The following GPR158 variants were observed in gnomAD, a reference collection of about 807,000 sequenced individuals.
GPR158 encodes the protein metabotropic glycine receptor.
GPR158 carries 30 observed loss-of-function variants against 78.2 expected under a neutral mutation model. The ratio of observed to expected loss-of-function variants is 0.38; its 90% CI spans 0.29 to 0.52. The LOEUF is 0.52. GPR158 is among the 20% of genes least tolerant of loss of function. GPR158 has a pLI of 0.83. For missense variants in GPR158, 1,463 were observed against 1,523.5 expected (o/e 0.96, Z 0.66); for synonymous variants, 581 against 591.1 (o/e 0.98, Z 0.25).
At chr10:25,446,848 C>CT (rs913202010) in intron 4 of GPR158, among the ~76,000 whole-genome samples, 4 of 152,254 alleles carry the variant, frequency 2.6e-5, no homozygotes, top group African/African-American at 9.6e-5. Flanking sequence ...CGTAGGACAA[C>CT]TTTTTTGTAT....
chr10:25,253,849 C>T (rs1853851063), intron 2 of GPR158, among the ~76,000 whole-genome samples: 2 of 152,060 alleles, frequency 1.3e-5, no homozygotes. Context: ...ACCAGCAAAC[C>T]AAATATTGTC....
intron 2 of GPR158, among the ~76,000 whole-genome samples, chr10:25,270,917 T>C (rs1383734708): frequency 6.6e-6 from 1 of 152,210 alleles, no homozygotes; most frequent in East Asian, 1.9e-4. Flanking sequence ...TGCTTATCAC[T>C]GATTTTAGGA....
intron 2 of GPR158, among the ~76,000 whole-genome samples, chr10:25,347,154 G>C (rs1408730959): frequency 6.6e-6 from 1 of 151,908 alleles, no homozygotes; most frequent in Admixed American, 6.6e-5. Flanking sequence ...GAGTTCAGCT[G>C]GGCTGCATTC....
At chr10:25,580,910 TTTA>T (rs1383366794) in intron 7 of GPR158, among the ~76,000 whole-genome samples, 2 of 94,770 alleles carry the variant, frequency 2.1e-5, no homozygotes, top group African/African-American at 1.4e-4. Flanking sequence ...ATTTTTTTAT[TTTA>T]TTTTATTTTA....
chr10:25,373,356 G>C (rs917638961), intron 2 of GPR158, among the ~76,000 whole-genome samples: 1 of 151,762 alleles, frequency 6.6e-6, no homozygotes, highest in Non-Finnish European at 1.5e-5. Flanking sequence ...TTAGTACCTG[G>C]GTGGCCAAAT....
chr10:25,210,543 TA>T (rs988626170), intron 1 of GPR158, among the ~76,000 whole-genome samples: 1 of 152,210 alleles, frequency 6.6e-6, no homozygotes, highest in African/African-American at 2.4e-5. Flanking sequence ...GCTTTCTAAA[TA>T]TTTTTTTTTG....
intron 2 of GPR158, among the ~76,000 whole-genome samples, chr10:25,242,183 G>T (rs1227420248): frequency 1.3e-5 from 2 of 152,192 alleles, no homozygotes; most frequent in Non-Finnish European, 2.9e-5. Flanking sequence ...CACGCTTAGG[G>T]TAATTAATTC....
At chr10:25,234,509 A>G (rs889388876) in intron 2 of GPR158, among the ~76,000 whole-genome samples, 9 of 152,104 alleles carry the variant, frequency 5.9e-5, no homozygotes, top group Admixed American at 6.6e-5. Flanking sequence ...TTTTATTTTG[A>G]CTTCGTTTTC....
intron 2 of GPR158, among the ~76,000 whole-genome samples, chr10:25,259,292 ATC>A (rs1445593252): frequency 3.9e-5 from 6 of 152,196 alleles, no homozygotes; most frequent in Admixed American, 3.3e-4. Flanking sequence ...AAAATCAGGA[ATC>A]TCTCTAGATT....
intron 2 of GPR158, among the ~76,000 whole-genome samples, chr10:25,289,640 T>A (rs913114211): frequency 2.0e-5 from 3 of 151,912 alleles, no homozygotes; most frequent in African/African-American, 7.3e-5. Context: ...CACTGTGGTC[T>A]CAATCTCCTG....
chr10:25,311,699 C>G (rs1854767427), intron 2 of GPR158, among the ~76,000 whole-genome samples: 1 of 151,808 alleles, frequency 6.6e-6, no homozygotes, highest in African/African-American at 2.4e-5. Context: ...TTTTGAGTGC[C>G]CCAAGACTTT....
At chr10:25,324,047 T>A (rs1254075125) in intron 2 of GPR158, among the ~76,000 whole-genome samples, 8 of 152,226 alleles carry the variant, frequency 5.3e-5, no homozygotes, top group Non-Finnish European at 1.0e-4. Context: ...GGGAATGTCA[T>A]GTCTGGATTT....
At chr10:25,535,351 G>A (rs150016200) in intron 5 of GPR158, among the ~76,000 whole-genome samples, 167 of 136,642 alleles carry the variant, frequency 1.2e-3, no homozygotes, top group African/African-American at 4.0e-3. Context: ...CTCTCTTGCT[G>A]GCTTTGATGA....
chr10:25,211,162 TA>T (rs1281518131), intron 1 of GPR158, among the ~76,000 whole-genome samples: 1 of 152,000 alleles, frequency 6.6e-6, no homozygotes, highest in Non-Finnish European at 1.5e-5. Context: ...AACAGAATTT[TA>T]AAAAATTTCT....
At chr10:25,245,365 T>C (rs990096081) in intron 2 of GPR158, among the ~76,000 whole-genome samples, 3 of 152,182 alleles carry the variant, frequency 2.0e-5, no homozygotes, top group Non-Finnish European at 2.9e-5. Flanking sequence ...GGGATATGAT[T>C]ATTTCTTTTT....
intron 4 of GPR158, among the ~76,000 whole-genome samples, chr10:25,454,202 A>G (rs1835261058): frequency 6.6e-6 from 1 of 152,050 alleles, no homozygotes; most frequent in African/African-American, 2.4e-5. Context: ...TGTTTTATTA[A>G]TTTCTTTTTT....
chr10:25,362,888 T>G (rs72796147), intron 2 of GPR158, among the ~76,000 whole-genome samples: 20,950 of 151,888 alleles, frequency 0.14, 1,725 homozygotes, highest in South Asian at 0.23. Context: ...TTTATATATT[T>G]TTTAATATTA....
intron 5 of GPR158, among the ~76,000 whole-genome samples, chr10:25,539,910 A>G (rs1275170981): frequency 6.6e-6 from 1 of 152,184 alleles, no homozygotes; most frequent in African/African-American, 2.4e-5. Context: ...AGTCCCACGT[A>G]TGGAAGCACA....
chr10:25,452,778 C>G (rs944182294), intron 4 of GPR158, among the ~76,000 whole-genome samples: 9 of 152,122 alleles, frequency 5.9e-5, no homozygotes, highest in African/African-American at 2.2e-4. Flanking sequence ...ATTATCAAAA[C>G]CAAATTAATT....
Sources: allele counts gnomAD v4.1 joint callset (sites outside exome capture counted in the v4.1 genomes callset), GRCh38; gene constraint gnomAD v4.1.1; transcripts MANE v1.5; gene names NCBI Gene and HGNC (gene_info 2026-07-23, HGNC 2026-07-21).